Variants in UGT3A2 observed in about 807,000 individuals in gnomAD.
UGT3A2 encodes the protein UDP-glycosyltransferase 3A2.
A neutral mutation model predicts 39.8 loss-of-function variants in UGT3A2; 32 were observed. The observed-to-expected ratio is 0.80, with a 90% CI of 0.61 to 1.08. The LOEUF (loss-of-function observed/expected upper bound fraction) is 1.08, where lower values mean the gene tolerates loss of function less well. UGT3A2 is among the 50% of genes least tolerant of loss of function. UGT3A2 has a pLI of 0.00. For missense variants in UGT3A2, 611 were observed against 637.1 expected, an observed-to-expected ratio of 0.96 and a Z score of 0.44; for synonymous variants, 241 against 230.7, an observed-to-expected ratio of 1.04 and a Z score of -0.40.
intron 4 of UGT3A2, among the ~76,000 whole-genome samples, chr5:36,044,738 CA>C (rs148067854): frequency 0.19 from 28,336 of 151,906 alleles, 3,381 homozygotes; most frequent in Non-Finnish European, 0.25. Flanking sequence ...ACAATGCCCA[CA>C]AACAAAATAA....
chr5:36,066,774 C>G lies in UGT3A2; in HGVS notation c.16G>C (p.Val6Leu). Residue 6 changes from valine to leucine, a missense_variant, in exon 1 of 7, where the codon GTG becomes CTG. By Grantham distance (32) the Val-to-Leu change is conservative. Transcript: ENST00000282507. MAGQRVLLLVGFLLPG... is the reference protein window; with the variant it reads MAGQRLLLLVGFLLPG... ...AGAAGGAAGCCCACTAGAAGAAGCA[C>G]TCGCTGCCCAGCCATGCTCACTTCT... 1 of 1,614,242 alleles carries G rather than the reference C, an allele frequency of 6.2e-7. No homozygotes were observed. Among genetic ancestry groups the G allele is most frequent in the Non-Finnish European group, 8.5e-7 (1 of 1,180,040 alleles).
At chr5:36,050,839 G>A (rs1261915848) in intron 3 of UGT3A2, among the ~76,000 whole-genome samples, 1 of 145,536 alleles carries the variant, frequency 6.9e-6, no homozygotes, top group Admixed American at 6.9e-5. Context: ...TCCAGCCTGG[G>A]CAACAAGAGC....
intron 3 of UGT3A2, among the ~76,000 whole-genome samples, chr5:36,049,735 T>C (rs774406112): frequency 4.9e-4 from 74 of 152,370 alleles, no homozygotes; most frequent in Non-Finnish European, 7.9e-4. Context: ...TTCTATCTCA[T>C]TGATAAATTA....
chr5:36,036,922 A>C (rs1203275435), intron 6 of UGT3A2, among the ~76,000 whole-genome samples: 1 of 152,242 alleles, frequency 6.6e-6, no homozygotes, highest in African/African-American at 2.4e-5. Context: ...CTGGATATGC[A>C]GTTAGTTACC....
At chr5:36,062,792 C>A (rs920750963) in intron 2 of UGT3A2, among the ~76,000 whole-genome samples, 11 of 152,170 alleles carry the variant, frequency 7.2e-5, no homozygotes, top group African/African-American at 2.7e-4. Context: ...GTAATCCCAG[C>A]ACTTTGGGAG....
chr5:36,049,506 C>T lies in UGT3A2; in HGVS notation c.312-86G>A, dbSNP rs184225946. On this transcript the variant is annotated intron_variant, in intron 3 of 6. Coordinates refer to ENST00000282507, the MANE Select transcript of UGT3A2 (RefSeq NM_174914.4). ...GTATCTTGAGATACAAAGAAAATAT[C>T]CCAGGAAAGCAACAACCTTTCTAGC... is the stretch of plus-strand genomic sequence containing the variant. The T allele has an allele frequency of 1.3e-5, 14 of 1,079,008 alleles. No homozygotes were observed. In the African/African-American group the frequency reaches 2.2e-4, roughly 17 times the overall value. The allele number at this position is 1,079,008 out of a possible 1,614,324, so 66.8% of individuals were successfully genotyped here. A position where few individuals can be genotyped will look rare whatever the true frequency, so the allele number is the denominator to read the frequency against.
intron 4 of UGT3A2, among the ~76,000 whole-genome samples, chr5:36,044,702 A>G (rs1376259141): frequency 1.3e-5 from 2 of 152,034 alleles, no homozygotes; most frequent in African/African-American, 4.8e-5. Context: ...TAATCTGAAA[A>G]AGAAATCAAG....
chr5:36,036,817 G>A (rs375672223), intron 6 of UGT3A2, among the ~76,000 whole-genome samples: 2 of 152,230 alleles, frequency 1.3e-5, no homozygotes, highest in African/African-American at 2.4e-5. Flanking sequence ...CTTGAGGTCC[G>A]ATTTTGGTTT....
intron 2 of UGT3A2, among the ~76,000 whole-genome samples, chr5:36,059,102 T>C (rs925339998): frequency 6.6e-6 from 1 of 152,084 alleles, no homozygotes; most frequent in African/African-American, 2.4e-5. Flanking sequence ...TAGCAGAGAC[T>C]AGCAGAAACT....
chr5:36,059,078 GGATA>G (rs1335458779), intron 2 of UGT3A2, among the ~76,000 whole-genome samples: 1 of 152,106 alleles, frequency 6.6e-6, no homozygotes, highest in Non-Finnish European at 1.5e-5. Flanking sequence ...GGACAAATAG[GGATA>G]GATAAAGACT....
intron 6 of UGT3A2, among the ~76,000 whole-genome samples, chr5:36,036,345 C>G (rs138835847): frequency 6.8e-4 from 103 of 152,324 alleles, no homozygotes; most frequent in African/African-American, 2.4e-3. Context: ...TAGGCACAGG[C>G]TAAAGCCTAC....
chr5:36,051,222 G>A (rs1001988913), intron 3 of UGT3A2, among the ~76,000 whole-genome samples: 2 of 152,152 alleles, frequency 1.3e-5, no homozygotes, highest in Non-Finnish European at 2.9e-5. Flanking sequence ...CACTGCGATT[G>A]ACCAAGATAG....
chr5:36,044,695 T>G (rs1208713312), intron 4 of UGT3A2, among the ~76,000 whole-genome samples: 3 of 151,894 alleles, frequency 2.0e-5, no homozygotes, highest in Non-Finnish European at 4.4e-5. Flanking sequence ...CAGTGAATAA[T>G]CTGAAAAAGA....
chr5:36,065,337 A>G (rs1279187248), intron 1 of UGT3A2, among the ~76,000 whole-genome samples: 1 of 152,232 alleles, frequency 6.6e-6, no homozygotes, highest in Admixed American at 6.5e-5. Flanking sequence ...GGACGTATAA[A>G]GTACAAATCT....
At chr5:36,044,394 G>T (rs1742104319) in intron 4 of UGT3A2, among the ~76,000 whole-genome samples, 1 of 152,048 alleles carries the variant, frequency 6.6e-6, no homozygotes, top group Non-Finnish European at 1.5e-5. Context: ...ACTAAATGGG[G>T]AAAAACTGAA....
chr5:36,066,702 T>C lies in UGT3A2; in HGVS notation c.88A>G (p.Thr30Ala). The C allele has an allele frequency of 6.2e-7, 1 of 1,614,058 alleles. No homozygotes were observed. Among genetic ancestry groups the C allele is most frequent in the South Asian group, 1.1e-5 (1 of 91,074 alleles). ...TCTCCGGCCAAGCACTCACCTACTG[T>C]AGATATTGTCAGGATTTTGGCAGCC... Reference protein sequence around the residue: ...SEAAKILTISTVGGSHYLLMD... With the variant: ...SEAAKILTISAVGGSHYLLMD... The change falls in exon 1 of 7, where the codon ACA becomes GCA. Residue 30 changes from threonine (T) to alanine (A), a missense_variant. Coordinates refer to ENST00000282507, the MANE Select transcript of UGT3A2 (RefSeq NM_174914.4).
At chr5:36,061,075 G>T (rs906809296) in intron 2 of UGT3A2, among the ~76,000 whole-genome samples, 3 of 152,090 alleles carry the variant, frequency 2.0e-5, no homozygotes, top group African/African-American at 7.2e-5. Context: ...GGTAGGCTAA[G>T]GTACCAGAAT....
chr5:36,060,234 C>T lies in UGT3A2; in HGVS notation c.196+4015G>A, dbSNP rs567252850. Among the ~76,000 whole-genome samples the T allele has an allele frequency of 5.9e-5, 9 of 152,324 alleles. No homozygotes were observed. The South Asian group carries it at 1.9e-3, about 32-fold the overall frequency. The stretch of plus-strand genomic sequence containing the variant: ...CTGCACAGCCAGTAATTGCCTTTCT[C>T]AAATTAATTCAAAAACAAAAAGGGA... On this transcript the variant is annotated intron_variant, in intron 2 of 6. Transcript: ENST00000282507.
At chr5:36,048,095 G>A (rs949001427) in intron 4 of UGT3A2, among the ~76,000 whole-genome samples, 5 of 152,136 alleles carry the variant, frequency 3.3e-5, no homozygotes, top group African/African-American at 9.7e-5. Context: ...GTGGGGGAAG[G>A]ACACCTACAT....
Sources: allele counts gnomAD v4.1 joint callset (sites outside exome capture counted in the v4.1 genomes callset), GRCh38; gene constraint gnomAD v4.1.1; transcripts MANE v1.5; gene names NCBI Gene and HGNC (gene_info 2026-07-23, HGNC 2026-07-21).